The following ACTR3B variants were observed in gnomAD, a reference collection of about 807,000 sequenced individuals.
ACTR3B encodes the protein actin-related protein 3B.
In ACTR3B, 8 loss-of-function variants were observed where a neutral mutation model predicts 59.0. That is an observed-to-expected ratio of 0.14 (90% CI 0.08 to 0.24). ACTR3B has a LOEUF of 0.24. Ranked by LOEUF, ACTR3B falls within the 10% of genes least tolerant of loss-of-function variation. The pLI is 1.00. For missense variants in ACTR3B, 245 were observed against 552.3 expected, an observed-to-expected ratio of 0.44 and a Z score of 5.58; for synonymous variants, 148 against 197.9, an observed-to-expected ratio of 0.75 and a Z score of 2.12.
chr7:152,809,741 C>T (rs2116789664), intron 4 of ACTR3B, among the ~76,000 whole-genome samples: 1 of 152,144 alleles, frequency 6.6e-6, no homozygotes, highest in East Asian at 1.9e-4. Context: ...CGGGGTTTCA[C>T]TGTGTTGGTC....
chr7:152,837,883 C>T (rs1158276290), intron 9 of ACTR3B, among the ~76,000 whole-genome samples: 2 of 151,640 alleles, frequency 1.3e-5, no homozygotes, highest in Non-Finnish European at 2.9e-5. Context: ...GTGAAGCCTG[C>T]GAAGTTGGGT....
chr7:152,813,059 GA>G (rs1361067216), intron 4 of ACTR3B: 1 of 88,954 alleles, frequency 1.1e-5, no homozygotes, highest in Non-Finnish European at 2.3e-5. Flanking sequence ...AGGAGAGAGA[GA>G]CTGATTTCTG....
At chr7:152,829,057 T>TATATAC (rs1390377342) in intron 9 of ACTR3B, among the ~76,000 whole-genome samples, 3 of 144,696 alleles carry the variant, frequency 2.1e-5, no homozygotes, top group African/African-American at 8.2e-5. Context: ...TATATATATA[T>TATATAC]ACACACACAC....
intron 4 of ACTR3B, among the ~76,000 whole-genome samples, chr7:152,804,295 T>C (rs1235769786): frequency 2.0e-5 from 3 of 152,282 alleles, no homozygotes; most frequent in African/African-American, 7.2e-5. Context: ...CGGAAGGGAT[T>C]TGCAAACTTT....
intron 4 of ACTR3B, among the ~76,000 whole-genome samples, chr7:152,803,623 A>T (rs1369505812): frequency 6.6e-6 from 1 of 152,088 alleles, no homozygotes; most frequent in African/African-American, 2.4e-5. Context: ...ATGGACCACC[A>T]CACAGCTCAC....
chr7:152,778,452 G>A (rs2098141736), intron 1 of ACTR3B, among the ~76,000 whole-genome samples: 1 of 151,546 alleles, frequency 6.6e-6, no homozygotes, highest in East Asian at 1.9e-4. Context: ...TGCCCAGGGT[G>A]GTCTTGAACT....
At chr7:152,762,929 G>A (rs140814647) in intron 1 of ACTR3B, among the ~76,000 whole-genome samples, 1 of 152,272 alleles carries the variant, frequency 6.6e-6, no homozygotes, top group Admixed American at 6.5e-5. Context: ...ATAGGGACTC[G>A]CCTCAGTCTT....
At chr7:152,767,104 T>A (rs2098112782) in intron 1 of ACTR3B, among the ~76,000 whole-genome samples, 1 of 151,616 alleles carries the variant, frequency 6.6e-6, no homozygotes, top group South Asian at 2.1e-4. Context: ...TTTTTTTTTT[T>A]TTTTTAATGG....
At chr7:152,812,220 G>C (rs1278826629) in intron 4 of ACTR3B, 1 of 95,288 alleles carries the variant, frequency 1.0e-5, no homozygotes, top group South Asian at 4.2e-4. Context: ...TAGTAGAGAT[G>C]GGGTTTCACC....
chr7:152,766,070 T>C (rs533140821), intron 1 of ACTR3B, among the ~76,000 whole-genome samples: 2 of 152,298 alleles, frequency 1.3e-5, no homozygotes, highest in South Asian at 4.1e-4. Flanking sequence ...AAGCTCTTCA[T>C]GTATTAAGGT....
At chr7:152,839,264 C>CA (rs1554453319) in intron 9 of ACTR3B, among the ~76,000 whole-genome samples, 2 of 132,796 alleles carry the variant, frequency 1.5e-5, no homozygotes, top group African/African-American at 6.7e-5. Context: ...GGCTGCGGGG[C>CA]GGGGGGTGGC....
At chr7:152,807,253 A>G (rs963107736) in intron 4 of ACTR3B, among the ~76,000 whole-genome samples, 3 of 152,196 alleles carry the variant, frequency 2.0e-5, no homozygotes, top group Non-Finnish European at 4.4e-5. Context: ...GACTTTTTAT[A>G]GTCTTATCAC....
intron 1 of ACTR3B, among the ~76,000 whole-genome samples, chr7:152,767,171 A>G (rs2098112999): frequency 6.6e-6 from 1 of 151,144 alleles, no homozygotes; most frequent in African/African-American, 2.4e-5. Context: ...GAGATAAGGT[A>G]TGAAGAATGG....
At chr7:152,767,350 T>C (rs1198830712) in intron 1 of ACTR3B, among the ~76,000 whole-genome samples, 4 of 152,186 alleles carry the variant, frequency 2.6e-5, no homozygotes, top group Non-Finnish European at 5.9e-5. Flanking sequence ...GTTAGTCTAT[T>C]GGTCTGTTCA....
At chr7:152,789,930 A>G (rs543721390) in intron 2 of ACTR3B, among the ~76,000 whole-genome samples, 1,739 of 149,336 alleles carry the variant, frequency 0.012, 12 homozygotes, top group African/African-American at 0.042. Flanking sequence ...GACAGTGAGT[A>G]TTGACATTTA....
At chr7:152,848,268 G>C (rs552768711) in intron 9 of ACTR3B, among the ~76,000 whole-genome samples, 3 of 152,290 alleles carry the variant, frequency 2.0e-5, no homozygotes, top group African/African-American at 4.8e-5. Flanking sequence ...CCTACACTGC[G>C]GTGGGCCAAG....
intron 9 of ACTR3B, among the ~76,000 whole-genome samples, chr7:152,840,448 G>A (rs1590430048): frequency 6.6e-6 from 1 of 152,334 alleles, no homozygotes; most frequent in South Asian, 2.1e-4. Context: ...AGATGAGGGC[G>A]TGGGAGCCCA....
At chr7:152,846,210 C>T (rs192735620) in intron 9 of ACTR3B, among the ~76,000 whole-genome samples, 2,719 of 142,652 alleles carry the variant, frequency 0.019, 48 homozygotes, top group Middle Eastern at 0.073. Context: ...CCCCAGCGCC[C>T]GGGGCTGTAG....
chr7:152,781,955 G>A (rs572437937), intron 1 of ACTR3B, among the ~76,000 whole-genome samples: 2 of 151,772 alleles, frequency 1.3e-5, no homozygotes, highest in Non-Finnish European at 2.9e-5. Context: ...ACTTGGCATT[G>A]CCCTGGCTCC....
Sources: allele counts gnomAD v4.1 joint callset (sites outside exome capture counted in the v4.1 genomes callset), GRCh38; gene constraint gnomAD v4.1.1; transcripts MANE v1.5; gene names NCBI Gene and HGNC (gene_info 2026-07-23, HGNC 2026-07-21).